SLC35F3: variants seen among roughly 807,000 people sequenced by gnomAD.
SLC35F3 encodes putative thiamine transporter SLC35F3.
SLC35F3 carries 25 observed loss-of-function variants against 49.9 expected under a neutral mutation model. That is an observed-to-expected ratio of 0.50 (90% confidence interval 0.37 to 0.70). SLC35F3 has a LOEUF of 0.70. Ranked by LOEUF, SLC35F3 falls within the 30% of genes least tolerant of loss-of-function variation. The probability of loss-of-function intolerance (pLI) is 0.00; values close to 1 mark genes in which losing one functional copy is unlikely to be tolerated. For missense variants in SLC35F3, 525 were observed against 639.8 expected (o/e 0.82, Z 1.94); for synonymous variants, 275 against 265.4 (o/e 1.04, Z -0.35).
intron 2 of SLC35F3, among the ~76,000 whole-genome samples, chr1:234,147,227 TTTC>T (rs774333190): frequency 1.7e-3 from 176 of 103,212 alleles, no homozygotes; most frequent in African/African-American, 8.6e-3. Flanking sequence ...CCCTTTCTAT[TTTC>T]TTTTTTTTTT....
chr1:233,960,869 G>A lies in SLC35F3; in HGVS notation c.283+55111G>A, dbSNP rs1414721559. ...AACTCATTTTCTCCATTAGCTGAGA[G>A]CATCAGCTGCATTCTGTGCAAAGGC... On this transcript the variant is annotated intron_variant, in intron 2 of 7. Coordinates refer to ENST00000366618, the MANE Select transcript of SLC35F3 (RefSeq NM_173508.4). Among the ~76,000 whole-genome samples, 3 of 151,926 alleles carry A rather than the reference G, an allele frequency of 2.0e-5. No individual in the cohort carries two copies. The East Asian group carries it at 5.8e-4, about 30-fold the overall frequency.
intron 6 of SLC35F3, among the ~76,000 whole-genome samples, chr1:234,319,565 A>G (rs1328232529): frequency 1.3e-5 from 2 of 150,750 alleles, no homozygotes; most frequent in African/African-American, 2.5e-5. Context: ...AGCCAGGTGC[A>G]GTGGTGTGCA....
intron 2 of SLC35F3, among the ~76,000 whole-genome samples, chr1:234,059,336 G>T (rs1664503641): frequency 6.7e-6 from 1 of 149,878 alleles, no homozygotes. Context: ...TGTTTTAGCT[G>T]CACTCCACAT....
Position 234,304,018 on chromosome 1 carries a change from CTTCCTTCCTTCCTTCCTTCCTTCCTTCT to C in SLC35F3, c.609-5079_609-5052del, listed in dbSNP as rs1309139387. Among the ~76,000 whole-genome samples the C allele has an allele frequency of 1.9e-4, 15 of 80,896 alleles. No homozygotes were observed. In the South Asian group the frequency reaches 5.1e-3, roughly 28 times the overall value. The allele number at this position is 80,896 out of a possible 152,430, so 53.1% of individuals were successfully genotyped here. On this transcript the variant is annotated intron_variant, in intron 3 of 7. Transcript: ENST00000366618. ...AATTTTATCCTTCCTTCCTTCCTTC[CTTCCTTCCTTCCTTCCTTCCTTCCTTCT>C]TTCTTTCCTTCCTTTCCTTCCTTCC...
At chr1:234,240,610 A>T (rs371702878) in intron 3 of SLC35F3, among the ~76,000 whole-genome samples, 16 of 152,268 alleles carry the variant, frequency 1.1e-4, no homozygotes, top group East Asian at 9.6e-4. Flanking sequence ...CTCTGAAAAA[A>T]AAAAATAAAA....
At chr1:234,164,306 C>T (rs2102915056) in intron 2 of SLC35F3, among the ~76,000 whole-genome samples, 1 of 151,068 alleles carries the variant, frequency 6.6e-6, no homozygotes, top group South Asian at 2.1e-4. Context: ...TTCTCTTTCC[C>T]TCTCTTTCTC....
At chr1:234,304,064 TTCC>T in intron 3 of SLC35F3, among the ~76,000 whole-genome samples, 1 of 24,140 alleles carries the variant, frequency 4.1e-5, no homozygotes, top group Non-Finnish European at 9.7e-5. Context: ...CTTCCTTTCC[TTCC>T]TTCCTTTCTT....
At chr1:233,938,701 A>G (rs112494598) in intron 2 of SLC35F3, among the ~76,000 whole-genome samples, 7 of 120,348 alleles carry the variant, frequency 5.8e-5, no homozygotes, top group Middle Eastern at 4.7e-3. Context: ...TGGATGGATG[A>G]ATGGATGGAT....
chr1:234,037,762 G>T (rs938401824), intron 2 of SLC35F3, among the ~76,000 whole-genome samples: 1 of 152,170 alleles, frequency 6.6e-6, no homozygotes, highest in Non-Finnish European at 1.5e-5. Flanking sequence ...TGCCTGCTAA[G>T]AACTTTCCAA....
chr1:234,246,699 T>C (rs1473452776), intron 3 of SLC35F3, among the ~76,000 whole-genome samples: 1 of 152,202 alleles, frequency 6.6e-6, no homozygotes, highest in East Asian at 1.9e-4. Context: ...CATCCTTTTA[T>C]GCACTGAACT....
intron 3 of SLC35F3, chr1:234,268,717 C>A (rs1462327610): frequency 6.6e-6 from 1 of 152,226 alleles, no homozygotes; most frequent in Non-Finnish European, 1.5e-5. Flanking sequence ...ACGTGGGGAT[C>A]TCATGTTGAA....
At chr1:234,301,133 T>C (rs970456134) in intron 3 of SLC35F3, among the ~76,000 whole-genome samples, 6 of 152,214 alleles carry the variant, frequency 3.9e-5, no homozygotes, top group Admixed American at 1.3e-4. Flanking sequence ...TGGTATCAGA[T>C]TTTTTAAAGT....
intron 2 of SLC35F3, chr1:234,213,155 T>G (rs1173386389): frequency 6.6e-6 from 1 of 152,220 alleles, no homozygotes; most frequent in East Asian, 1.9e-4. Context: ...GGTGCTGAGC[T>G]AGGAAACCCT....
At chr1:233,942,540 A>G (rs1558184812) in intron 2 of SLC35F3, among the ~76,000 whole-genome samples, 1 of 152,056 alleles carries the variant, frequency 6.6e-6, no homozygotes, top group Admixed American at 6.6e-5. Flanking sequence ...AGCCTCCCAA[A>G]TAGATGAGGC....
At chr1:234,284,687 G>A (rs1668383041) in intron 3 of SLC35F3, among the ~76,000 whole-genome samples, 1 of 152,194 alleles carries the variant, frequency 6.6e-6, no homozygotes, top group Non-Finnish European at 1.5e-5. Flanking sequence ...ACAGAGATGG[G>A]GGCGAGAGAA....
intron 3 of SLC35F3, among the ~76,000 whole-genome samples, chr1:234,266,897 T>TTA (rs1384173146): frequency 6.1e-5 from 9 of 146,842 alleles, no homozygotes; most frequent in East Asian, 2.0e-4. Context: ...TTTTTTTTTT[T>TTA]ATTGATCATT....
At chr1:234,219,055 CAAAAA>C (rs60342594) in intron 2 of SLC35F3, among the ~76,000 whole-genome samples, 1 of 55,280 alleles carries the variant, frequency 1.8e-5, no homozygotes, top group African/African-American at 7.3e-5. Flanking sequence ...GACTCCATCT[CAAAAA>C]AAAAAAAAAA....
rs11359233 is a variant in SLC35F3 at position 234,309,015 on chromosome 1, TAA to T, written c.609-74_609-73del. 4.9e-3 allele frequency: 4,643 copies of T among 947,788 alleles called. 27 individuals carry two copies. Among genetic ancestry groups the T allele is most frequent in the East Asian group, 0.047 (1,655 of 35,332 alleles). The allele number at this position is 947,788 out of a possible 1,614,324, so 58.7% of individuals were successfully genotyped here. A position where few individuals can be genotyped will look rare whatever the true frequency, so the allele number is the denominator to read the frequency against. ...AACCCTGCCCCTTCCTATATTTGCT[TAA>T]AAAAAAAAAAACTTGCTATAGGAAA... On this transcript the variant is annotated intron_variant, in intron 3 of 7. Coordinates refer to ENST00000366618, the MANE Select transcript of SLC35F3 (RefSeq NM_173508.4).
At chr1:234,286,229 C>T (rs1421538942) in intron 3 of SLC35F3, among the ~76,000 whole-genome samples, 1 of 152,150 alleles carries the variant, frequency 6.6e-6, no homozygotes, top group East Asian at 1.9e-4. Flanking sequence ...GTGATAAGGG[C>T]AGAATTCAAA....
Sources: allele counts gnomAD v4.1 joint callset (sites outside exome capture counted in the v4.1 genomes callset), GRCh38; gene constraint gnomAD v4.1.1; transcripts MANE v1.5; gene names NCBI Gene and HGNC (gene_info 2026-07-23, HGNC 2026-07-21).